The following IGF2BP2 variants were observed in gnomAD, a reference collection of about 807,000 sequenced individuals.
The protein encoded by IGF2BP2 is insulin like growth factor 2 mRNA binding protein 2.
Under a neutral mutation model 75.8 loss-of-function variants are expected in IGF2BP2, and 17 were observed. That is an observed-to-expected ratio of 0.22 (90% CI 0.15 to 0.34). The LOEUF is 0.34. Ranked by LOEUF, IGF2BP2 falls within the 10% of genes least tolerant of loss-of-function variation. The pLI is 1.00. For missense variants in IGF2BP2, 516 were observed against 772.4 expected (o/e 0.67, Z 3.93); for synonymous variants, 288 against 295.6 (o/e 0.97, Z 0.26).
intron 2 of IGF2BP2, among the ~76,000 whole-genome samples, chr3:185,819,696 G>C (rs1035548455): frequency 5.1e-4 from 77 of 152,118 alleles, no homozygotes; most frequent in African/African-American, 1.8e-3. Flanking sequence ...TGGAATCTAT[G>C]TAAGTAAATG....
rs76566429 is a variant in IGF2BP2 at position 185,672,492 on chromosome 3, C to A, written c.1200+49G>T. On this transcript the variant is annotated intron_variant, in intron 10 of 15. Coordinates refer to ENST00000382199, the MANE Select transcript of IGF2BP2 (RefSeq NM_006548.6). ...CCACACAGCAGAGGCATGCTGCTGC[C>A]TGGAGGTGCCCAGCGCATAAGCAAA... The A allele has an allele frequency of 7.9e-4, 1,259 of 1,584,804 alleles. 13 individuals are homozygous for A. In the African/African-American group the frequency reaches 0.015, roughly 19 times the overall value.
At chr3:185,789,025 T>C (rs1430356116) in intron 2 of IGF2BP2, among the ~76,000 whole-genome samples, 7 of 152,152 alleles carry the variant, frequency 4.6e-5, no homozygotes, top group African/African-American at 1.7e-4. Flanking sequence ...ATTCTATTTT[T>C]TTGAGACAGG....
intron 2 of IGF2BP2, among the ~76,000 whole-genome samples, chr3:185,809,628 T>C (rs1275059996): frequency 6.6e-6 from 1 of 151,322 alleles, no homozygotes; most frequent in Non-Finnish European, 1.5e-5. Flanking sequence ...AGACCCCCTG[T>C]CAGAAAGAAA....
At chr3:185,801,535 A>T (rs562742342) in intron 2 of IGF2BP2, among the ~76,000 whole-genome samples, 5 of 151,118 alleles carry the variant, frequency 3.3e-5, no homozygotes, top group Non-Finnish European at 7.4e-5. Context: ...GATGCTGGCG[A>T]GGCTGTGGAG....
rs756196454 is a variant in IGF2BP2 at position 185,703,514 on chromosome 3, TA to T, written c.240-5168del. Among the ~76,000 whole-genome samples, 433 of 149,138 alleles carry T rather than the reference TA, an allele frequency of 2.9e-3. 6 individuals are homozygous for T. In the East Asian group the frequency reaches 0.041, roughly 14 times the overall value. ...TGAAGAACCATTTCATCTGTATTATTAAAAAAAAAAGTTGGGAGGCTGAGGC... is the reference window on the plus strand; with the variant it reads ...TGAAGAACCATTTCATCTGTATTATTAAAAAAAAAGTTGGGAGGCTGAGGC... On this transcript the variant is annotated intron_variant, in intron 2 of 15. Coordinates refer to ENST00000382199, the MANE Select transcript of IGF2BP2 (RefSeq NM_006548.6).
At position 185,652,803 on chromosome 3, in the gene IGF2BP2, A is replaced by C. The variant is rs1429359629; in HGVS notation, c.1387-635T>G. ...TGTGCCTCCATTCCCTCATCTGTGA[A>C]ACATAGGGGCTGGGCCCACCAAGCT... On this transcript the variant is annotated intron_variant, in intron 12 of 15. Transcript: ENST00000382199. Among the ~76,000 whole-genome samples the C allele has an allele frequency of 3.3e-5, 5 of 152,098 alleles. No homozygotes were observed. The East Asian group carries it at 9.6e-4, about 29-fold the overall frequency.
At chr3:185,715,623 C>G (rs910665024) in intron 2 of IGF2BP2, among the ~76,000 whole-genome samples, 2 of 151,968 alleles carry the variant, frequency 1.3e-5, no homozygotes, top group African/African-American at 4.8e-5. Flanking sequence ...TCTGATGATA[C>G]GTCATTTCTT....
chr3:185,806,446 T>C (rs1231053501), intron 2 of IGF2BP2, among the ~76,000 whole-genome samples: 2 of 152,212 alleles, frequency 1.3e-5, no homozygotes, highest in African/African-American at 2.4e-5. Context: ...AGCCTCAGTC[T>C]ACACATTCGA....
chr3:185,742,491 A>G (rs1242914085), intron 2 of IGF2BP2, among the ~76,000 whole-genome samples: 2 of 150,852 alleles, frequency 1.3e-5, no homozygotes, highest in African/African-American at 4.9e-5. Context: ...GTGAGACTCC[A>G]TTTCGAAAAA....
At chr3:185,813,488 C>G (rs1740183177) in intron 2 of IGF2BP2, among the ~76,000 whole-genome samples, 1 of 152,148 alleles carries the variant, frequency 6.6e-6, no homozygotes, top group South Asian at 2.1e-4. Context: ...AAGGGGTAAA[C>G]AGTAGTACAG....
intron 2 of IGF2BP2, among the ~76,000 whole-genome samples, chr3:185,775,791 T>C (rs1038385548): frequency 1.3e-5 from 2 of 152,144 alleles, no homozygotes; most frequent in African/African-American, 4.8e-5. Flanking sequence ...ACTGCAATAA[T>C]AAAAACGCCA....
At chr3:185,724,410 T>C (rs1420551842) in intron 2 of IGF2BP2, 2 of 152,336 alleles carry the variant, frequency 1.3e-5, no homozygotes, top group African/African-American at 4.8e-5. Flanking sequence ...CTATCCCTTT[T>C]TTCCCTCTCT....
chr3:185,819,103 C>T (rs1740995958), intron 2 of IGF2BP2, among the ~76,000 whole-genome samples: 1 of 152,024 alleles, frequency 6.6e-6, no homozygotes, highest in African/African-American at 2.4e-5. Context: ...CTTCTGTCTA[C>T]CAAACGATAA....
intron 2 of IGF2BP2, among the ~76,000 whole-genome samples, chr3:185,804,765 G>A (rs1027624315): frequency 6.6e-5 from 10 of 151,984 alleles, no homozygotes; most frequent in Admixed American, 3.9e-4. Flanking sequence ...GGAGGTGGGC[G>A]GATCATGAGG....
chr3:185,755,906 A>C (rs2149665573), intron 2 of IGF2BP2, among the ~76,000 whole-genome samples: 1 of 152,330 alleles, frequency 6.6e-6, no homozygotes, highest in South Asian at 2.1e-4. Flanking sequence ...AGTTGATGCT[A>C]GAACAAGCGT....
intron 2 of IGF2BP2, chr3:185,724,860 T>C (rs1197903060): frequency 1.3e-5 from 2 of 152,238 alleles, no homozygotes; most frequent in East Asian, 1.9e-4. Context: ...TTCCTCCCCC[T>C]TGATAGTCAT....
At chr3:185,715,060 G>T (rs1057410117) in intron 2 of IGF2BP2, among the ~76,000 whole-genome samples, 4 of 152,206 alleles carry the variant, frequency 2.6e-5, no homozygotes, top group African/African-American at 9.6e-5. Flanking sequence ...GGGTGCCTGA[G>T]GGGCAAGACA....
At chr3:185,754,715 G>A (rs1307942461) in intron 2 of IGF2BP2, among the ~76,000 whole-genome samples, 1 of 152,202 alleles carries the variant, frequency 6.6e-6, no homozygotes, top group Non-Finnish European at 1.5e-5. Context: ...GGGAACTGGA[G>A]TAAAAGTCAC....
chr3:185,737,625 C>G (rs1046958237), intron 2 of IGF2BP2, among the ~76,000 whole-genome samples: 1 of 152,188 alleles, frequency 6.6e-6, no homozygotes, highest in South Asian at 2.1e-4. Flanking sequence ...TAGTGGCATT[C>G]GCAGTAACAG....
Sources: gnomAD v4.1 joint callset for allele counts (sites outside exome capture counted in the v4.1 genomes callset) on GRCh38, gnomAD v4.1.1 for gene constraint, MANE v1.5 for transcripts, NCBI Gene and HGNC (gene_info 2026-07-23, HGNC 2026-07-21) for gene names.